KSR2: variants seen among roughly 807,000 people sequenced by gnomAD.
The protein encoded by KSR2 is kinase suppressor of ras 2.
A neutral mutation model predicts 107.8 loss-of-function variants in KSR2; 25 were observed. That is an observed-to-expected ratio of 0.23 (90% CI 0.17 to 0.32). The LOEUF (loss-of-function observed/expected upper bound fraction) is 0.32, where lower values mean the gene tolerates loss of function less well. Among genes scored for constraint, KSR2 ranks in the 10% least tolerant of loss-of-function variants. KSR2 has a pLI of 1.00. For missense variants in KSR2, 887 were observed against 1,268.9 expected, an observed-to-expected ratio of 0.70 and a Z score of 4.57; for synonymous variants, 480 against 507.0, an observed-to-expected ratio of 0.95 and a Z score of 0.71.
intron 1 of KSR2, among the ~76,000 whole-genome samples, chr12:117,873,126 C>T (rs1424790637): frequency 6.6e-6 from 1 of 152,096 alleles, no homozygotes; most frequent in South Asian, 2.1e-4. Flanking sequence ...AAGCAGATCA[C>T]CTGAGGTCAG....
intron 4 of KSR2, among the ~76,000 whole-genome samples, chr12:117,726,205 T>A (rs577838809): frequency 3.6e-4 from 54 of 152,110 alleles, no homozygotes; most frequent in African/African-American, 7.7e-4. Context: ...AAAATTTTTT[T>A]AAAAAGATAA....
At chr12:117,554,818 A>G (rs1268422805) in intron 9 of KSR2, among the ~76,000 whole-genome samples, 3 of 152,308 alleles carry the variant, frequency 2.0e-5, no homozygotes, top group Non-Finnish European at 4.4e-5. Context: ...AGCAGCATGA[A>G]ACAGACTAAT....
At chr12:117,584,619 C>T (rs988434077) in intron 5 of KSR2, among the ~76,000 whole-genome samples, 7 of 152,240 alleles carry the variant, frequency 4.6e-5, no homozygotes, top group African/African-American at 7.2e-5. Flanking sequence ...GGTCCACATA[C>T]ATTTTCCACC....
At chr12:117,600,997 C>G (rs1880909883) in intron 5 of KSR2, among the ~76,000 whole-genome samples, 1 of 152,144 alleles carries the variant, frequency 6.6e-6, no homozygotes, top group African/African-American at 2.4e-5. Context: ...AGACTGTTTA[C>G]TTACTTACCT....
intron 14 of KSR2, among the ~76,000 whole-genome samples, chr12:117,492,854 T>TG (rs1186260065): frequency 6.6e-6 from 1 of 151,784 alleles, no homozygotes; most frequent in African/African-American, 2.4e-5. Context: ...ACTTTGAAGA[T>TG]GGAGAAGGGG....
At chr12:117,642,252 T>C (rs1023715243) in intron 5 of KSR2, among the ~76,000 whole-genome samples, 5 of 152,214 alleles carry the variant, frequency 3.3e-5, no homozygotes, top group Non-Finnish European at 5.9e-5. Flanking sequence ...GGGTGTTCTA[T>C]GAGAATGGAG....
chr12:117,820,470 T>TTTA (rs1217621884), intron 3 of KSR2, among the ~76,000 whole-genome samples: 1 of 152,210 alleles, frequency 6.6e-6, no homozygotes, highest in African/African-American at 2.4e-5. Flanking sequence ...CTGGAATATG[T>TTTA]TTAAGCATGT....
intron 1 of KSR2, among the ~76,000 whole-genome samples, chr12:117,950,869 G>A (rs904093367): frequency 6.6e-6 from 1 of 151,634 alleles, no homozygotes; most frequent in African/African-American, 2.4e-5. Flanking sequence ...GTAAGTGTGA[G>A]AGTATTTAAG....
intron 4 of KSR2, among the ~76,000 whole-genome samples, chr12:117,723,820 C>A (rs1480189538): frequency 6.6e-6 from 1 of 151,994 alleles, no homozygotes; most frequent in Non-Finnish European, 1.5e-5. Flanking sequence ...TTAAAAAAAT[C>A]TAATACGGGA....
intron 4 of KSR2, chr12:117,677,176 C>T (rs1885167849): frequency 6.6e-6 from 1 of 152,188 alleles, no homozygotes; most frequent in Admixed American, 6.5e-5. Context: ...GGTCTTAAGA[C>T]ATTCTCTTGG....
chr12:117,532,841 T>G (rs1875757563), intron 10 of KSR2, among the ~76,000 whole-genome samples: 1 of 152,126 alleles, frequency 6.6e-6, no homozygotes, highest in Admixed American at 6.5e-5. Context: ...AGGGCAGGGA[T>G]ATAGTCAGAT....
intron 5 of KSR2, among the ~76,000 whole-genome samples, chr12:117,584,421 G>C (rs533099146): frequency 3.3e-5 from 5 of 152,170 alleles, no homozygotes; most frequent in African/African-American, 1.2e-4. Context: ...TGGCGCTGGA[G>C]AGGAAGGGTT....
intron 5 of KSR2, among the ~76,000 whole-genome samples, chr12:117,583,018 A>G (rs1282740215): frequency 6.6e-6 from 1 of 152,222 alleles, no homozygotes; most frequent in Non-Finnish European, 1.5e-5. Flanking sequence ...GCAGAAAGCC[A>G]TATCAATTTC....
At chr12:117,695,101 G>A (rs559939796) in intron 4 of KSR2, among the ~76,000 whole-genome samples, 37 of 152,040 alleles carry the variant, frequency 2.4e-4, no homozygotes, top group African/African-American at 7.0e-4. Context: ...TGCCCGCCTC[G>A]GCCTCCCAAA....
chr12:117,818,959 C>T (rs1343976314), intron 3 of KSR2, among the ~76,000 whole-genome samples: 1 of 151,934 alleles, frequency 6.6e-6, no homozygotes, highest in Non-Finnish European at 1.5e-5. Context: ...CCAGGGCAGC[C>T]CCCAAAACAC....
intron 3 of KSR2, among the ~76,000 whole-genome samples, chr12:117,825,781 T>C (rs1891721106): frequency 1.3e-5 from 2 of 152,072 alleles, no homozygotes; most frequent in Admixed American, 1.3e-4. Context: ...AGGGGCTCAG[T>C]GTCTATATAT....
intron 4 of KSR2, among the ~76,000 whole-genome samples, chr12:117,710,433 G>A (rs1886719218): frequency 6.6e-6 from 1 of 152,198 alleles, no homozygotes; most frequent in Non-Finnish European, 1.5e-5. Context: ...GCTCTGTCCT[G>A]AGGTGGATTA....
At chr12:117,575,033 C>T (rs769917649) in intron 7 of KSR2, among the ~76,000 whole-genome samples, 74 of 152,168 alleles carry the variant, frequency 4.9e-4, no homozygotes, top group Non-Finnish European at 7.1e-4. Flanking sequence ...GAGACCATCC[C>T]TCACCACTTG....
rs1349502019 is a variant in KSR2, at chr12:117,918,225, G to A, written c.180+49851C>T. 2.6e-5 allele frequency among the ~76,000 whole-genome samples: 4 copies of A among 152,174 alleles called. 1 individual carries two copies. The highest frequency in any genetic ancestry group is 4.1e-4 in the South Asian group (2 of 4,830). On this transcript the variant is annotated intron_variant, in intron 1 of 19. Transcript: ENST00000339824. ...TCATTATGGCTTCCTTGGCACCTCC[G>A]TGCATTTCAGTTTGCAAACCTAAAC...
Sources: allele counts gnomAD v4.1 joint callset (sites outside exome capture counted in the v4.1 genomes callset), GRCh38; gene constraint gnomAD v4.1.1; transcripts MANE v1.5; gene names NCBI Gene and HGNC (gene_info 2026-07-23, HGNC 2026-07-21).